Variants in INPP4B observed in about 807,000 individuals in gnomAD.
The protein encoded by INPP4B is inositol polyphosphate 4-phosphatase type II.
Under a neutral mutation model 122.5 loss-of-function variants are expected in INPP4B, and 55 were observed. The ratio of observed to expected loss-of-function variants is 0.45; its 90% CI spans 0.36 to 0.56. The LOEUF is 0.56. Ranked by LOEUF, INPP4B falls within the 20% of genes least tolerant of loss-of-function variation. INPP4B has a pLI of 0.00. For missense variants in INPP4B, 1,000 were observed against 1,097.7 expected (o/e 0.91, Z 1.26); for synonymous variants, 403 against 388.7 (o/e 1.04, Z -0.43).
chr4:142,168,926 T>A (rs76748458), intron 16 of INPP4B, among the ~76,000 whole-genome samples: 67 of 151,618 alleles, frequency 4.4e-4, no homozygotes, highest in Non-Finnish European at 9.3e-4. Flanking sequence ...GCCTAGGAAC[T>A]GCCCTAGGAA....
At chr4:142,493,487 C>T (rs894955108) in intron 2 of INPP4B, among the ~76,000 whole-genome samples, 2 of 152,216 alleles carry the variant, frequency 1.3e-5, no homozygotes, top group Non-Finnish European at 2.9e-5. Flanking sequence ...CTGCCCAAGG[C>T]TGTGGGAGCC....
At chr4:142,616,658 T>G (rs892289243) in intron 2 of INPP4B, among the ~76,000 whole-genome samples, 3 of 152,170 alleles carry the variant, frequency 2.0e-5, no homozygotes, top group African/African-American at 7.2e-5. Context: ...ACGTGCAGCA[T>G]TATTCATAAT....
At chr4:142,488,455 AT>A (rs1208385238) in intron 2 of INPP4B, among the ~76,000 whole-genome samples, 1 of 151,902 alleles carries the variant, frequency 6.6e-6, no homozygotes, top group African/African-American at 2.4e-5. Flanking sequence ...TAAGATTGTA[AT>A]TTTTTCTTCC....
intron 1 of INPP4B, among the ~76,000 whole-genome samples, chr4:142,824,466 G>A (rs1467982178): frequency 6.6e-6 from 1 of 152,026 alleles, no homozygotes; most frequent in Non-Finnish European, 1.5e-5. Flanking sequence ...AAGAGTAGTT[G>A]TTAAGTGTTG....
chr4:142,256,617 A>C lies in INPP4B; in HGVS notation c.688+3875T>G, dbSNP rs1422847246. Among the ~76,000 whole-genome samples, 5 of 152,348 alleles carry C rather than the reference A, an allele frequency of 3.3e-5. No homozygotes were observed. The East Asian group carries it at 9.6e-4, about 29-fold the overall frequency. ...CTAGAAAATCTAGAAGAAATGGATA[A>C]ATTGCTCAACACATACACTCTCCCA... On this transcript the variant is annotated intron_variant, in intron 11 of 25. Coordinates refer to ENST00000262992, the MANE Select transcript of INPP4B (RefSeq NM_001101669.3).
chr4:142,405,370 T>C (rs1246822243), intron 5 of INPP4B, 46 bp from the exon 6 acceptor site: 1 of 1,175,882 alleles, frequency 8.5e-7, no homozygotes, highest in African/African-American at 1.5e-5. Flanking sequence ...TAACACCATA[T>C]CTCAGGGAAA....
intron 23 of INPP4B, among the ~76,000 whole-genome samples, chr4:142,095,679 T>C (rs1478600917): frequency 2.0e-5 from 3 of 152,068 alleles, no homozygotes; most frequent in African/African-American, 7.2e-5. Context: ...ATCAGTGATT[T>C]CACGAAAAAA....
intron 2 of INPP4B, among the ~76,000 whole-genome samples, chr4:142,714,482 C>G (rs1763516840): frequency 2.0e-5 from 3 of 152,158 alleles, no homozygotes; most frequent in Admixed American, 6.5e-5. Context: ...ATAATAAAAA[C>G]TGGGATTGCA....
chr4:142,063,961 C>G (rs993843280), intron 25 of INPP4B, among the ~76,000 whole-genome samples: 1 of 152,118 alleles, frequency 6.6e-6, no homozygotes, highest in Non-Finnish European at 1.5e-5. Context: ...AATTTATAAA[C>G]TAACTTTAAG....
chr4:142,256,773 T>G (rs1464389921), intron 11 of INPP4B, among the ~76,000 whole-genome samples: 7 of 152,106 alleles, frequency 4.6e-5, no homozygotes, highest in African/African-American at 7.2e-5. Flanking sequence ...TTCTACCAGA[T>G]GTACAAGGAG....
At chr4:142,345,628 G>T (rs571067928) in intron 7 of INPP4B, among the ~76,000 whole-genome samples, 2 of 152,002 alleles carry the variant, frequency 1.3e-5, no homozygotes, top group Non-Finnish European at 2.9e-5. Flanking sequence ...AGAGAGCGTA[G>T]TATCCGAGCA....
intron 17 of INPP4B, among the ~76,000 whole-genome samples, chr4:142,156,748 C>G (rs1390814991): frequency 7.2e-5 from 11 of 151,998 alleles, no homozygotes; most frequent in African/African-American, 2.7e-4. Context: ...GAAAGGACAG[C>G]CTCATAGTGA....
intron 7 of INPP4B, among the ~76,000 whole-genome samples, chr4:142,347,958 G>T (rs1361936752): frequency 6.6e-6 from 1 of 152,034 alleles, no homozygotes; most frequent in East Asian, 1.9e-4. Context: ...ATAATTGTCA[G>T]AAACGTGATA....
At chr4:142,374,336 G>C (rs766120239) in intron 7 of INPP4B, among the ~76,000 whole-genome samples, 2 of 151,854 alleles carry the variant, frequency 1.3e-5, no homozygotes, top group African/African-American at 2.4e-5. Flanking sequence ...GATGCATTTT[G>C]TATGCTATAA....
At chr4:142,548,635 A>G (rs1398723936) in intron 2 of INPP4B, among the ~76,000 whole-genome samples, 1 of 152,146 alleles carries the variant, frequency 6.6e-6, no homozygotes, top group Non-Finnish European at 1.5e-5. Context: ...TTGTAGATAC[A>G]ATAGAGCTTC....
chr4:142,321,078 C>G (rs555719468), intron 7 of INPP4B, among the ~76,000 whole-genome samples: 1 of 152,258 alleles, frequency 6.6e-6, no homozygotes, highest in South Asian at 2.1e-4. Context: ...GTTTACATTC[C>G]CACCAGCAGT....
chr4:142,030,414 A>C, intron 25 of INPP4B: 2 of 867,886 alleles, frequency 2.3e-6, no homozygotes, highest in South Asian at 4.0e-5. Flanking sequence ...TACATAACAC[A>C]ACTCTTTCAG....
chr4:142,260,653 G>T, intron 10 of INPP4B, 89 bp from the exon 11 acceptor site: 1 of 837,410 alleles, frequency 1.2e-6, no homozygotes, highest in Non-Finnish European at 1.9e-6. Flanking sequence ...ATAAGGCTAT[G>T]TACATGGTTT....
At chr4:142,398,404 ATATATATATAT>A (rs1562011032) in intron 7 of INPP4B, among the ~76,000 whole-genome samples, 148 of 10,688 alleles carry the variant, frequency 0.014, 7 homozygotes, top group African/African-American at 0.036. Context: ...AAAAAAAAAT[ATATATATATAT>A]ATATATATAT....
Sources: allele counts gnomAD v4.1 joint callset (sites outside exome capture counted in the v4.1 genomes callset), GRCh38; gene constraint gnomAD v4.1.1; transcripts MANE v1.5; gene names NCBI Gene and HGNC (gene_info 2026-07-23, HGNC 2026-07-21).